ORC2: variants seen among roughly 807,000 people sequenced by gnomAD.
ORC2 encodes origin recognition complex subunit 2.
In ORC2, 37 loss-of-function variants were observed where a neutral mutation model predicts 77.7. The ratio of observed to expected loss-of-function variants is 0.48; its 90% confidence interval spans 0.37 to 0.63. The LOEUF is 0.63. ORC2 is among the 20% of genes least tolerant of loss of function. The pLI is 0.00. For missense variants in ORC2, 557 were observed against 661.9 expected (o/e 0.84, Z 1.74); for synonymous variants, 201 against 229.5 (o/e 0.88, Z 1.12).
chr2:200,929,240 C>T (rs530528128), intron 11 of ORC2, among the ~76,000 whole-genome samples: 2 of 152,240 alleles, frequency 1.3e-5, no homozygotes, highest in East Asian at 1.9e-4. Context: ...CGTGAGCCAC[C>T]GTGCCCAGCC....
chr2:200,932,860 A>G (rs1366820807), intron 10 of ORC2, among the ~76,000 whole-genome samples: 1 of 152,208 alleles, frequency 6.6e-6, no homozygotes, highest in Admixed American at 6.5e-5. Flanking sequence ...AGCAAATCCT[A>G]GATCAGCCAA....
rs1004576156 is a variant in ORC2, at chr2:200,913,848, A to C, written c.1528+83T>G. 3.4e-6 allele frequency: 5 copies of C among 1,490,996 alleles called. No homozygotes were observed. In the African/African-American group the frequency reaches 7.1e-5, roughly 21 times the overall value. The allele number at this position is 1,490,996 out of a possible 1,614,324, so 92.4% of individuals were successfully genotyped here. A position where few individuals can be genotyped will look rare whatever the true frequency, so the allele number is the denominator to read the frequency against. On this transcript the variant is annotated intron_variant, in intron 16 of 17. Coordinates refer to ENST00000234296, the MANE Select transcript of ORC2 (RefSeq NM_006190.5). ...CTTACTCACTGCTGTGAAAAACTGC[A>C]CTGCTGTCATTAAATTCCAGAGACA... is the stretch of plus-strand genomic sequence containing the variant.
intron 4 of ORC2, among the ~76,000 whole-genome samples, chr2:200,954,558 C>G (rs1322156235): frequency 6.6e-6 from 1 of 152,148 alleles, no homozygotes; most frequent in East Asian, 1.9e-4. Context: ...AAGATACACA[C>G]TGAAATGTTA....
intron 7 of ORC2, among the ~76,000 whole-genome samples, chr2:200,940,267 T>C (rs1219061064): frequency 6.6e-6 from 1 of 152,218 alleles, no homozygotes; most frequent in Non-Finnish European, 1.5e-5. Flanking sequence ...ATGTATACCC[T>C]TTCCTTATGG....
chr2:200,959,711 C>A (rs1450605283), intron 1 of ORC2, among the ~76,000 whole-genome samples: 3 of 152,158 alleles, frequency 2.0e-5, no homozygotes, highest in Non-Finnish European at 4.4e-5. Flanking sequence ...TTTGAGTACT[C>A]CATATGTATT....
chr2:200,942,561 G>T, intron 6 of ORC2, 124 bp downstream of exon 6: 1 of 518,756 alleles, frequency 1.9e-6, no homozygotes, highest in Non-Finnish European at 3.3e-6. Flanking sequence ...ATTGCATTTT[G>T]TTGAATGAAT....
At chr2:200,933,218 TGTATG>T (rs1305467258) in intron 10 of ORC2, among the ~76,000 whole-genome samples, 4 of 151,768 alleles carry the variant, frequency 2.6e-5, no homozygotes, top group Admixed American at 6.6e-5. Flanking sequence ...CAAGTATAAC[TGTATG>T]GTATTTTTTT....
At chr2:200,950,055 G>C (rs554073500) in intron 4 of ORC2, among the ~76,000 whole-genome samples, 3 of 152,202 alleles carry the variant, frequency 2.0e-5, no homozygotes, top group Admixed American at 6.5e-5. Context: ...TTTCTTGGCC[G>C]GGCGCAGTGG....
chr2:200,946,354 T>G (rs980392170), intron 5 of ORC2, among the ~76,000 whole-genome samples: 2 of 152,110 alleles, frequency 1.3e-5, no homozygotes, highest in African/African-American at 4.8e-5. Flanking sequence ...TTATTAAATA[T>G]TAAGGCATTC....
chr2:200,926,949 T>G (rs1307586649), intron 11 of ORC2, 49 bp from the exon 12 acceptor site: 2 of 1,561,012 alleles, frequency 1.3e-6, no homozygotes, highest in Non-Finnish European at 1.8e-6. Flanking sequence ...TACCTCTTAT[T>G]GCCAATTTTA....
chr2:200,944,388 T>A (rs1322260665), intron 5 of ORC2, among the ~76,000 whole-genome samples: 1 of 151,896 alleles, frequency 6.6e-6, no homozygotes, highest in Non-Finnish European at 1.5e-5. Context: ...CTGGCCAGGC[T>A]AGTCTCAAAC....
In ORC2 at chr2:200,933,973, C is replaced by A. The variant is rs755624289; in HGVS notation, c.710G>T (p.Ser237Ile). 6.4e-7 allele frequency: 1 copy of A among 1,574,284 alleles called. No homozygotes were observed. ...TTCAAAATATTCTTCTACTAAGTCA[C>A]TCTGAAAGTGAACAGAGTAGTCAGT... ...PSKRMKRDKTSDLVEEYFEAH... is the reference protein window; with the variant it reads ...PSKRMKRDKTIDLVEEYFEAH... Residue 237 changes from serine to isoleucine, a missense_variant and splice_region_variant, in exon 10 of 18, where the codon AGT becomes ATT. Transcript: ENST00000234296.
In ORC2 at chr2:200,928,399, G is replaced by C. The variant is rs547632038; in HGVS notation, c.918-1499C>G. On this transcript the variant is annotated intron_variant, in intron 11 of 17. Transcript: ENST00000234296. ...TTATTCCAAACCCATACAAGGTAAA[G>C]GCACAATTTTATTATCTGTATACCA... Among the ~76,000 whole-genome samples the C allele has an allele frequency of 3.3e-5, 5 of 152,122 alleles. No homozygotes were observed. In the South Asian group the frequency reaches 8.3e-4, roughly 25 times the overall value.
rs2040598516 is a variant in ORC2, at chr2:200,914,131, T to C, written c.1467-139A>G. ...TTCTGTTCCTCCAAGGAATATCATA[T>C]CCTTGCCTACTTAAACAGAAAGCTT... On this transcript the variant is annotated intron_variant, in intron 15 of 17. Coordinates refer to ENST00000234296, the MANE Select transcript of ORC2 (RefSeq NM_006190.5). The C allele has an allele frequency of 1.4e-5, 8 of 569,888 alleles. No homozygotes were observed. In the South Asian group the frequency reaches 1.9e-4, roughly 14 times the overall value. 35.3% of individuals were successfully genotyped at this position (569,888 alleles called of 1,614,324 possible).
At chr2:200,946,963 T>C (rs1190972150) in intron 5 of ORC2, among the ~76,000 whole-genome samples, 2 of 152,080 alleles carry the variant, frequency 1.3e-5, no homozygotes, top group Non-Finnish European at 2.9e-5. Flanking sequence ...AGTGCAGTGG[T>C]GCAATCTTGG....
intron 7 of ORC2, among the ~76,000 whole-genome samples, chr2:200,939,771 A>G (rs887698666): frequency 6.6e-6 from 1 of 152,306 alleles, no homozygotes; most frequent in Non-Finnish European, 1.5e-5. Context: ...TGTTTCATCA[A>G]CAGGTTTTTC....
chr2:200,954,164 C>T (rs1559024034), intron 4 of ORC2, among the ~76,000 whole-genome samples: 1 of 152,098 alleles, frequency 6.6e-6, no homozygotes, highest in Middle Eastern at 3.4e-3. Flanking sequence ...TCCCGAGTAG[C>T]TGAGATTACA....
At chr2:200,961,862 A>T (rs2041580804) in intron 1 of ORC2, among the ~76,000 whole-genome samples, 1 of 152,194 alleles carries the variant, frequency 6.6e-6, no homozygotes, top group African/African-American at 2.4e-5. Context: ...AAGCAAGTAA[A>T]GGTCGGTTAC....
chr2:200,930,040 G>A (rs1421679648), intron 11 of ORC2, among the ~76,000 whole-genome samples: 1 of 152,026 alleles, frequency 6.6e-6, no homozygotes, highest in Non-Finnish European at 1.5e-5. Flanking sequence ...AGTTACATGA[G>A]TCATTCATAT....
Sources: allele counts gnomAD v4.1 joint callset (sites outside exome capture counted in the v4.1 genomes callset), GRCh38; gene constraint gnomAD v4.1.1; transcripts MANE v1.5; gene names NCBI Gene and HGNC (gene_info 2026-07-23, HGNC 2026-07-21).